Variants in KIAA0825 observed in about 807,000 individuals in gnomAD.
KIAA0825 encodes KIAA0825.
KIAA0825 carries 119 observed loss-of-function variants against 147.6 expected under a neutral mutation model. The ratio of observed to expected loss-of-function variants is 0.81; its 90% CI spans 0.69 to 0.94. KIAA0825 has a LOEUF of 0.94. KIAA0825 is among the 40% of genes least tolerant of loss of function. The pLI is 0.00. For missense variants in KIAA0825, 1,381 were observed against 1,472.7 expected, an observed-to-expected ratio of 0.94 and a Z score of 1.02; for synonymous variants, 470 against 518.1, an observed-to-expected ratio of 0.91 and a Z score of 1.26.
chr5:94,574,267 G>A (rs962010095), intron 2 of KIAA0825, among the ~76,000 whole-genome samples: 14 of 152,090 alleles, frequency 9.2e-5, no homozygotes, highest in East Asian at 5.8e-4. Flanking sequence ...AAGGATGGCC[G>A]GGCGTGGTGG....
At chr5:94,219,258 A>G (rs1399550254) in intron 20 of KIAA0825, among the ~76,000 whole-genome samples, 6 of 152,054 alleles carry the variant, frequency 3.9e-5, no homozygotes. Context: ...GGAGTGTGCA[A>G]TCTAGATCCC....
At chr5:94,488,073 G>A (rs1017943698) in intron 5 of KIAA0825, among the ~76,000 whole-genome samples, 9 of 152,280 alleles carry the variant, frequency 5.9e-5, no homozygotes, top group African/African-American at 1.4e-4. Context: ...ACAGGCATCC[G>A]CCACCAAACC....
At chr5:94,281,103 T>C (rs1048262178) in intron 20 of KIAA0825, among the ~76,000 whole-genome samples, 1 of 152,044 alleles carries the variant, frequency 6.6e-6, no homozygotes, top group African/African-American at 2.4e-5. Context: ...ATAGCACTTA[T>C]TTGTAAAATG....
chr5:94,535,328 C>T (rs1008196932), intron 3 of KIAA0825, among the ~76,000 whole-genome samples: 4 of 151,522 alleles, frequency 2.6e-5, no homozygotes, highest in African/African-American at 7.3e-5. Context: ...TGGCCAATGT[C>T]GTGAAACCCT....
chr5:94,406,961 C>A (rs562777083), intron 15 of KIAA0825, among the ~76,000 whole-genome samples: 1 of 152,304 alleles, frequency 6.6e-6, no homozygotes, highest in African/African-American at 2.4e-5. Context: ...AATGTCCTAT[C>A]CCCAGGATGT....
chr5:94,395,009 A>C (rs1750446707), intron 17 of KIAA0825, among the ~76,000 whole-genome samples: 1 of 152,230 alleles, frequency 6.6e-6, no homozygotes, highest in Non-Finnish European at 1.5e-5. Context: ...CTTAATACTA[A>C]CCAGTGAATG....
intron 2 of KIAA0825, among the ~76,000 whole-genome samples, chr5:94,560,818 T>A (rs1777419835): frequency 6.6e-6 from 1 of 152,220 alleles, no homozygotes. Flanking sequence ...CATCTTGTGG[T>A]ATAATTATAT....
intron 20 of KIAA0825, among the ~76,000 whole-genome samples, chr5:94,261,106 A>G (rs1172258140): frequency 6.6e-6 from 1 of 151,710 alleles, no homozygotes; most frequent in Non-Finnish European, 1.5e-5. Context: ...GTTCGAGACC[A>G]GACTGGGTAA....
At chr5:94,155,789 G>T (rs1408008356) in intron 20 of KIAA0825, among the ~76,000 whole-genome samples, 1 of 152,110 alleles carries the variant, frequency 6.6e-6, no homozygotes, top group East Asian at 1.9e-4. Flanking sequence ...TTGAAGTTAG[G>T]TCATTGGTCT....
intron 20 of KIAA0825, among the ~76,000 whole-genome samples, chr5:94,333,704 A>G (rs1781508935): frequency 1.3e-5 from 2 of 152,140 alleles, no homozygotes; most frequent in Non-Finnish European, 2.9e-5. Context: ...TGTCTTGGCT[A>G]TACAGGATCT....
At chr5:94,219,447 T>C (rs919470613) in intron 20 of KIAA0825, among the ~76,000 whole-genome samples, 15 of 152,148 alleles carry the variant, frequency 9.9e-5, no homozygotes, top group African/African-American at 3.6e-4. Flanking sequence ...TGGAGACCCC[T>C]GAGCTATATG....
intron 20 of KIAA0825, among the ~76,000 whole-genome samples, chr5:94,260,279 A>G (rs968806499): frequency 1.3e-5 from 2 of 152,174 alleles, no homozygotes; most frequent in Non-Finnish European, 2.9e-5. Flanking sequence ...CTAAGCCTCA[A>G]TTTTACAGTA....
intron 20 of KIAA0825, among the ~76,000 whole-genome samples, chr5:94,355,988 G>T (rs2150381843): frequency 6.6e-6 from 1 of 152,328 alleles, no homozygotes; most frequent in Non-Finnish European, 1.5e-5. Flanking sequence ...AATCACTTGA[G>T]TATCTGGTTG....
chr5:94,194,868 GC>G (rs1314627722), intron 20 of KIAA0825, among the ~76,000 whole-genome samples: 1 of 151,944 alleles, frequency 6.6e-6, no homozygotes, highest in Non-Finnish European at 1.5e-5. Context: ...TGTATTTTTT[GC>G]CATGTGTTCA....
intron 11 of KIAA0825, among the ~76,000 whole-genome samples, chr5:94,463,828 C>T (rs1052544091): frequency 4.0e-5 from 6 of 151,794 alleles, no homozygotes; most frequent in Admixed American, 3.9e-4. Flanking sequence ...AATGACTTGC[C>T]ATTTCATAAT....
intron 12 of KIAA0825, among the ~76,000 whole-genome samples, chr5:94,453,433 C>T (rs10061175): frequency 0.15 from 22,421 of 151,304 alleles, 1,797 homozygotes; most frequent in Non-Finnish European, 0.18. Context: ...GCAATCCACC[C>T]GCCTTGGCCT....
At chr5:94,179,974 C>T (rs1472820670) in intron 20 of KIAA0825, among the ~76,000 whole-genome samples, 1 of 151,900 alleles carries the variant, frequency 6.6e-6, no homozygotes, top group Admixed American at 6.6e-5. Flanking sequence ...AAACACCACA[C>T]GGTAACAATT....
chr5:94,304,247 G>A (rs1016721357), intron 20 of KIAA0825, among the ~76,000 whole-genome samples: 1 of 152,050 alleles, frequency 6.6e-6, no homozygotes, highest in African/African-American at 2.4e-5. Context: ...AAGACAAGTC[G>A]TTTCTCTGAA....
intron 2 of KIAA0825, among the ~76,000 whole-genome samples, chr5:94,551,507 T>G (rs932972864): frequency 2.0e-5 from 3 of 152,062 alleles, no homozygotes; most frequent in Non-Finnish European, 4.4e-5. Flanking sequence ...CCCAATGGAC[T>G]AAGAGCAGAT....
Sources: allele counts gnomAD v4.1 joint callset (sites outside exome capture counted in the v4.1 genomes callset), GRCh38; gene constraint gnomAD v4.1.1; transcripts MANE v1.5; gene names NCBI Gene and HGNC (gene_info 2026-07-23, HGNC 2026-07-21).